The following LEKR1 variants were observed in gnomAD, a reference collection of about 807,000 sequenced individuals.
LEKR1 encodes leucine, glutamate and lysine rich 1, also known as protein LEKR1.
In LEKR1, 59 loss-of-function variants were observed where a neutral mutation model predicts 72.4. The ratio of observed to expected loss-of-function variants is 0.82; its 90% CI spans 0.66 to 1.01. The LOEUF is 1.01. Ranked by LOEUF, LEKR1 falls within the 50% of genes least tolerant of loss-of-function variation. The pLI is 0.00. For missense variants in LEKR1, 728 were observed against 759.2 expected (o/e 0.96, Z 0.48); for synonymous variants, 257 against 263.2 (o/e 0.98, Z 0.23).
intron 5 of LEKR1, among the ~76,000 whole-genome samples, chr3:156,937,368 A>G (rs1576859187): frequency 1.3e-5 from 2 of 152,366 alleles, no homozygotes; most frequent in East Asian, 1.9e-4. Context: ...AAAAGATATC[A>G]GTAGAAATTT....
chr3:156,989,684 T>C (rs1051020407), intron 7 of LEKR1, among the ~76,000 whole-genome samples: 9 of 152,210 alleles, frequency 5.9e-5, no homozygotes, highest in African/African-American at 1.2e-4. Flanking sequence ...CAAAAAGTTG[T>C]AAAAATAATA....
intron 3 of LEKR1, among the ~76,000 whole-genome samples, chr3:156,906,574 C>A (rs757283863): frequency 2.6e-5 from 4 of 152,136 alleles, no homozygotes; most frequent in Non-Finnish European, 5.9e-5. Flanking sequence ...TGTGCTAGCA[C>A]AGTACATACT....
chr3:156,975,516 A>G (rs1337629465), intron 6 of LEKR1, among the ~76,000 whole-genome samples: 1 of 152,166 alleles, frequency 6.6e-6, no homozygotes, highest in African/African-American at 2.4e-5. Context: ...TACTAACTTA[A>G]TGTGCCCTCC....
At chr3:156,946,647 G>T (rs1479688609) in intron 6 of LEKR1, among the ~76,000 whole-genome samples, 6 of 151,278 alleles carry the variant, frequency 4.0e-5, no homozygotes, top group African/African-American at 1.5e-4. Flanking sequence ...TTCTTATCAC[G>T]ATGGCATGTT....
chr3:157,041,589 G>A (rs1039536833), intron 12 of LEKR1, among the ~76,000 whole-genome samples: 1 of 152,104 alleles, frequency 6.6e-6, no homozygotes, highest in Non-Finnish European at 1.5e-5. Context: ...ATCCCAAGGT[G>A]TGCCTCTCCT....
chr3:156,865,055 C>G (rs184431210), intron 3 of LEKR1, among the ~76,000 whole-genome samples: 75 of 152,170 alleles, frequency 4.9e-4, no homozygotes, highest in African/African-American at 1.7e-3. Context: ...CTCTTCAGCT[C>G]TCTTTTTAAC....
At chr3:156,986,650 G>T (rs1457609554) in intron 7 of LEKR1, among the ~76,000 whole-genome samples, 1 of 152,190 alleles carries the variant, frequency 6.6e-6, no homozygotes, top group Non-Finnish European at 1.5e-5. Context: ...GACTGCTGGG[G>T]TTCAAATCCC....
intron 6 of LEKR1, among the ~76,000 whole-genome samples, chr3:156,969,232 C>A (rs1294565349): frequency 1.3e-5 from 2 of 152,054 alleles, no homozygotes; most frequent in African/African-American, 4.8e-5. Flanking sequence ...GAAGCAAGAG[C>A]AGACACATTC....
intron 6 of LEKR1, among the ~76,000 whole-genome samples, chr3:156,948,249 G>A (rs1171779857): frequency 1.3e-5 from 2 of 150,838 alleles, no homozygotes; most frequent in Non-Finnish European, 1.5e-5. Flanking sequence ...TGTTAAATTT[G>A]TTACTGTCAG....
At chr3:157,044,619 G>T (rs1448967878) in intron 12 of LEKR1, among the ~76,000 whole-genome samples, 2 of 152,172 alleles carry the variant, frequency 1.3e-5, no homozygotes, top group African/African-American at 4.8e-5. Context: ...AGGCAGTTCT[G>T]CTCAAACCTA....
intron 9 of LEKR1, among the ~76,000 whole-genome samples, chr3:157,007,162 T>A (rs1010083914): frequency 6.6e-6 from 1 of 152,016 alleles, no homozygotes; most frequent in Non-Finnish European, 1.5e-5. Flanking sequence ...AGATCCGCCA[T>A]TGCACTCCAG....
At chr3:156,842,354 T>G (rs1714043324) in intron 2 of LEKR1, among the ~76,000 whole-genome samples, 1 of 151,954 alleles carries the variant, frequency 6.6e-6, no homozygotes, top group South Asian at 2.1e-4. Context: ...AAAGGCTTTT[T>G]TTTTTCTTTC....
At chr3:156,861,059 G>T (rs574988614) in intron 3 of LEKR1, among the ~76,000 whole-genome samples, 1 of 152,282 alleles carries the variant, frequency 6.6e-6, no homozygotes, top group African/African-American at 2.4e-5. Flanking sequence ...GGCATTGGCT[G>T]CAGGGTGTTG....
intron 6 of LEKR1, among the ~76,000 whole-genome samples, chr3:156,971,796 A>C (rs1445879941): frequency 6.6e-6 from 1 of 152,210 alleles, no homozygotes; most frequent in Non-Finnish European, 1.5e-5. Context: ...ATGAGATACC[A>C]TCTCACACCA....
intron 3 of LEKR1, among the ~76,000 whole-genome samples, chr3:156,899,722 A>T (rs927875202): frequency 6.2e-5 from 8 of 128,388 alleles, no homozygotes; most frequent in African/African-American, 2.3e-4. Flanking sequence ...ACATATATAC[A>T]TGCATATATA....
chr3:157,043,658 C>G (rs542579288), intron 12 of LEKR1, among the ~76,000 whole-genome samples: 13 of 152,282 alleles, frequency 8.5e-5, no homozygotes, highest in Admixed American at 2.0e-4. Context: ...TTGTTGGGAG[C>G]AGGAAATAAG....
intron 9 of LEKR1, among the ~76,000 whole-genome samples, chr3:157,006,252 G>T (rs1440710770): frequency 6.6e-6 from 1 of 151,646 alleles, no homozygotes; most frequent in Non-Finnish European, 1.5e-5. Flanking sequence ...TGATCCACCC[G>T]CCTCGGCCTC....
chr3:156,846,409 A>G (rs1335826229), intron 2 of LEKR1, among the ~76,000 whole-genome samples: 1 of 151,960 alleles, frequency 6.6e-6, no homozygotes, highest in Admixed American at 6.6e-5. Flanking sequence ...TAGGGGGAAA[A>G]ACACTGAGTC....
intron 6 of LEKR1, among the ~76,000 whole-genome samples, chr3:156,950,401 G>A (rs1414679102): frequency 6.6e-6 from 1 of 151,426 alleles, no homozygotes; most frequent in Non-Finnish European, 1.5e-5. Context: ...GATAGGAATA[G>A]CATTGAATCT....
Sources: allele counts gnomAD v4.1 joint callset (sites outside exome capture counted in the v4.1 genomes callset), GRCh38; gene constraint gnomAD v4.1.1; transcripts MANE v1.5; gene names NCBI Gene and HGNC (gene_info 2026-07-23, HGNC 2026-07-21).